MCU: variants seen among roughly 807,000 people sequenced by gnomAD.
MCU encodes the protein mitochondrial calcium uniporter, also known as calcium uniporter protein, mitochondrial.
MCU carries 12 observed loss-of-function variants against 45.2 expected under a neutral mutation model. The observed-to-expected ratio is 0.27, with a 90% confidence interval of 0.17 to 0.43. The LOEUF is 0.43. Ranked by LOEUF, MCU falls within the 20% of genes least tolerant of loss-of-function variation. The pLI is 1.00. For missense variants in MCU, 324 were observed against 436.7 expected (o/e 0.74, Z 2.30); for synonymous variants, 160 against 165.1 (o/e 0.97, Z 0.24).
At chr10:72,879,401 G>A (rs541165336) in intron 6 of MCU, among the ~76,000 whole-genome samples, 23 of 152,360 alleles carry the variant, frequency 1.5e-4, no homozygotes, top group African/African-American at 5.3e-4. Flanking sequence ...CTGTTAGACT[G>A]AATGCTGACT....
At chr10:72,704,707 T>TGC (rs1842797916) in intron 1 of MCU, among the ~76,000 whole-genome samples, 1 of 125,104 alleles carries the variant, frequency 8.0e-6, no homozygotes, top group Admixed American at 8.0e-5. Context: ...CTGGATAATT[T>TGC]TTTTTTTTTT....
At chr10:72,795,722 G>A (rs1477513207) in intron 1 of MCU, among the ~76,000 whole-genome samples, 8 of 152,100 alleles carry the variant, frequency 5.3e-5, no homozygotes, top group South Asian at 2.1e-4. Flanking sequence ...CTCTGGGGCC[G>A]GGCACAGTGG....
chr10:72,725,316 C>T (rs963997165), intron 1 of MCU, among the ~76,000 whole-genome samples: 11 of 151,898 alleles, frequency 7.2e-5, no homozygotes, highest in East Asian at 3.9e-4. Context: ...TTAGTAGAGA[C>T]GGGGTTTCAC....
chr10:72,868,578 AC>A (rs1845493623), intron 4 of MCU, 124 bp from the exon 5 acceptor site: 1 of 760,040 alleles, frequency 1.3e-6, no homozygotes, highest in African/African-American at 1.8e-5. Context: ...GAGAGCTATT[AC>A]TTTCCTTCAG....
chr10:72,869,227 A>G (rs894372050), intron 5 of MCU, among the ~76,000 whole-genome samples: 5 of 152,270 alleles, frequency 3.3e-5, no homozygotes, highest in Non-Finnish European at 7.3e-5. Flanking sequence ...TGTTATCTGT[A>G]GGTTCTACAT....
intron 1 of MCU, among the ~76,000 whole-genome samples, chr10:72,761,948 G>T (rs887527422): frequency 6.6e-6 from 1 of 152,152 alleles, no homozygotes; most frequent in South Asian, 2.1e-4. Context: ...CGTATTTTTA[G>T]TTCTATCAGT....
intron 1 of MCU, among the ~76,000 whole-genome samples, chr10:72,804,017 AATATATATATAT>A (rs35518652): frequency 0.045 from 1,546 of 34,652 alleles, 71 homozygotes; most frequent in Non-Finnish European, 0.07. Context: ...AATGTAAGTA[AATATATATATAT>A]ATATATATAT....
intron 5 of MCU, among the ~76,000 whole-genome samples, chr10:72,870,290 T>G (rs1196920388): frequency 6.6e-6 from 1 of 152,188 alleles, no homozygotes; most frequent in Non-Finnish European, 1.5e-5. Flanking sequence ...TTTCTTTTCT[T>G]TTTTTTGAGA....
intron 1 of MCU, among the ~76,000 whole-genome samples, chr10:72,834,136 T>C (rs1031054127): frequency 4.6e-5 from 7 of 152,242 alleles, no homozygotes; most frequent in Non-Finnish European, 5.9e-5. Context: ...TATGTAAATG[T>C]GTTTGCATAA....
At chr10:72,709,337 A>G (rs1589426188) in intron 1 of MCU, among the ~76,000 whole-genome samples, 1 of 152,242 alleles carries the variant, frequency 6.6e-6, no homozygotes, top group Non-Finnish European at 1.5e-5. Context: ...AACAATACAG[A>G]TGTCAGAATA....
intron 6 of MCU, among the ~76,000 whole-genome samples, chr10:72,879,779 C>T (rs1366493296): frequency 1.3e-5 from 2 of 152,172 alleles, no homozygotes; most frequent in Admixed American, 1.3e-4. Flanking sequence ...GGCTAAGTAG[C>T]TCATGCCTGT....
chr10:72,788,518 C>T (rs146285072), intron 1 of MCU, among the ~76,000 whole-genome samples: 6 of 152,260 alleles, frequency 3.9e-5, no homozygotes, highest in East Asian at 1.9e-4. Flanking sequence ...CCCAGCTACA[C>T]GGAACTCTGA....
chr10:72,702,125 G>A (rs1346815652), intron 1 of MCU, among the ~76,000 whole-genome samples: 1 of 150,850 alleles, frequency 6.6e-6, no homozygotes, highest in Non-Finnish European at 1.5e-5. Context: ...GGAGGGGGGC[G>A]CCATAATTCC....
At chr10:72,741,470 T>C (rs1843331145) in intron 1 of MCU, among the ~76,000 whole-genome samples, 1 of 152,206 alleles carries the variant, frequency 6.6e-6, no homozygotes. Context: ...GTCAAAAATA[T>C]GTCCAGTTTA....
At chr10:72,721,108 A>G (rs1843015619) in intron 1 of MCU, 1 of 154,238 alleles carries the variant, frequency 6.5e-6, no homozygotes, top group South Asian at 2.0e-4. Context: ...TCATGCTAAC[A>G]ATGTATCTCA....
chr10:72,801,273 A>G (rs368579867), intron 1 of MCU, among the ~76,000 whole-genome samples: 12 of 152,150 alleles, frequency 7.9e-5, no homozygotes, highest in African/African-American at 2.4e-4. Context: ...GTATTTGGTT[A>G]AAGTGCTGTA....
chr10:72,753,316 A>G (rs1843528343), intron 1 of MCU, among the ~76,000 whole-genome samples: 1 of 152,230 alleles, frequency 6.6e-6, no homozygotes, highest in Non-Finnish European at 1.5e-5. Flanking sequence ...TTGACATTCC[A>G]TCATATTAAT....
chr10:72,778,605 T>C (rs908808247), intron 1 of MCU, among the ~76,000 whole-genome samples: 2 of 152,168 alleles, frequency 1.3e-5, no homozygotes, highest in Admixed American at 1.3e-4. Context: ...TGTTGATAAC[T>C]TAATTGATTC....
chr10:72,824,197 C>CTT (rs35710019), intron 1 of MCU, among the ~76,000 whole-genome samples: 53 of 135,202 alleles, frequency 3.9e-4, no homozygotes, highest in African/African-American at 1.2e-3. Context: ...TGATTTCTTT[C>CTT]TTTTTTTTTT....
Sources: gnomAD v4.1 joint callset for allele counts (sites outside exome capture counted in the v4.1 genomes callset) on GRCh38, gnomAD v4.1.1 for gene constraint, MANE v1.5 for transcripts, NCBI Gene and HGNC (gene_info 2026-07-23, HGNC 2026-07-21) for gene names.